Variants in RFX8 observed in about 807,000 individuals in gnomAD.
The protein encoded by RFX8 is regulatory factor X8.
RFX8 carries 46 observed loss-of-function variants against 54.6 expected under a neutral mutation model. The observed-to-expected ratio is 0.84, with a 90% CI of 0.67 to 1.08. The LOEUF is 1.08. Among genes scored for constraint, RFX8 ranks in the 50% least tolerant of loss-of-function variants. RFX8 has a pLI of 0.00. For missense variants in RFX8, 536 were observed against 562.3 expected (o/e 0.95, Z 0.47); for synonymous variants, 192 against 209.5 (o/e 0.92, Z 0.72).
chr2:101,450,696 T>A (rs1688627649), intron 2 of RFX8: 2 of 1,354,338 alleles, frequency 1.5e-6, no homozygotes, highest in Non-Finnish European at 2.0e-6. Flanking sequence ...AAAATAAAGG[T>A]TGTCTTTAAA....
chr2:101,415,625 T>G (rs1173177345), intron 6 of RFX8, among the ~76,000 whole-genome samples: 26 of 1,054 alleles, frequency 0.025, no homozygotes, highest in African/African-American at 0.038. Context: ...TTGAACGCAT[T>G]CATTCATTTG....
chr2:101,417,695 A>G lies in RFX8; in HGVS notation c.352-11T>C. ...AACATCCTCAATTCCCTACAACAAA[A>G]GTAACAAGACACTATGATTCTGCTG... On this transcript the variant is annotated splice_polypyrimidine_tract_variant and intron_variant, in intron 5 of 11. Transcript: ENST00000428343. The G allele has an allele frequency of 6.5e-7, 1 of 1,543,398 alleles. No individual in the cohort carries two copies. Among genetic ancestry groups the G allele is most frequent in the Non-Finnish European group, 8.7e-7 (1 of 1,142,862 alleles).
intron 2 of RFX8, among the ~76,000 whole-genome samples, chr2:101,433,471 G>A (rs4851438): frequency 0.73 from 111,789 of 152,194 alleles, 42,524 homozygotes; most frequent in Middle Eastern, 0.88. Context: ...GCATAGAGAG[G>A]ACTGAGACAC....
intron 4 of RFX8, 59 bp from the exon 5 acceptor site, chr2:101,419,023 C>A (rs1686703300): frequency 1.2e-6 from 1 of 826,022 alleles, no homozygotes; most frequent in African/African-American, 1.7e-5. Context: ...AAGACTAACC[C>A]CCCGCCACAG....
chr2:101,450,157 G>A (rs1688599505), intron 2 of RFX8, among the ~76,000 whole-genome samples: 1 of 152,116 alleles, frequency 6.6e-6, no homozygotes, highest in Non-Finnish European at 1.5e-5. Flanking sequence ...CTTAAAGACA[G>A]AACAACCAAA....
At chr2:101,469,080 GT>G in intron 1 of RFX8, among the ~76,000 whole-genome samples, 1 of 8,066 alleles carries the variant, frequency 1.2e-4, no homozygotes, top group East Asian at 1.2e-3. Flanking sequence ...ATATATATAA[GT>G]GTATATATAT....
chr2:101,420,864 C>T (rs777754808), intron 4 of RFX8, among the ~76,000 whole-genome samples: 14 of 152,226 alleles, frequency 9.2e-5, no homozygotes, highest in African/African-American at 2.9e-4. Context: ...GGTAATATTG[C>T]TCCTTTCATT....
At chr2:101,463,631 C>T (rs1158404150) in intron 2 of RFX8, among the ~76,000 whole-genome samples, 2 of 152,232 alleles carry the variant, frequency 1.3e-5, no homozygotes, top group Non-Finnish European at 2.9e-5. Context: ...GGGTGTTTCA[C>T]CAAGCCTGGG....
chr2:101,398,181 C>T (rs923243719), intron 11 of RFX8, among the ~76,000 whole-genome samples: 6 of 152,148 alleles, frequency 3.9e-5, no homozygotes, highest in African/African-American at 1.4e-4. Flanking sequence ...TAAGAGAACT[C>T]CTGATTTCTC....
intron 9 of RFX8, among the ~76,000 whole-genome samples, chr2:101,406,866 G>A (rs1685766871): frequency 6.6e-6 from 1 of 152,192 alleles, no homozygotes; most frequent in Non-Finnish European, 1.5e-5. Context: ...TGCTTGCTGT[G>A]TAACCAAGCT....
intron 2 of RFX8, among the ~76,000 whole-genome samples, chr2:101,439,716 ATT>A (rs35253629): frequency 3.9e-4 from 56 of 144,700 alleles, no homozygotes; most frequent in East Asian, 6.1e-4. Flanking sequence ...ATTTAAGTAG[ATT>A]TTTTTTTTTT....
chr2:101,448,335 A>G (rs562159705), intron 2 of RFX8, among the ~76,000 whole-genome samples: 151 of 152,196 alleles, frequency 9.9e-4, no homozygotes, highest in African/African-American at 3.4e-3. Flanking sequence ...CCAGATTCAT[A>G]TTCTTCTACT....
intron 9 of RFX8, among the ~76,000 whole-genome samples, chr2:101,409,545 C>A (rs1320614347): frequency 6.6e-6 from 1 of 151,042 alleles, no homozygotes; most frequent in East Asian, 1.9e-4. Context: ...CTTTTGTTGC[C>A]CAGGCTGGAG....
At chr2:101,412,847 C>T (rs912196169) in intron 8 of RFX8, 68 bp downstream of exon 8, 10 of 1,415,624 alleles carry the variant, frequency 7.1e-6, no homozygotes, top group South Asian at 1.3e-5. Context: ...CATGAGTTAA[C>T]GATGGCCATG....
At chr2:101,446,178 T>G (rs974330519) in intron 2 of RFX8, among the ~76,000 whole-genome samples, 1 of 152,158 alleles carries the variant, frequency 6.6e-6, no homozygotes, top group Non-Finnish European at 1.5e-5. Context: ...TGTTTTTGTT[T>G]TTTGTTATTC....
At chr2:101,398,137 C>T (rs1295901395) in intron 11 of RFX8, among the ~76,000 whole-genome samples, 1 of 152,180 alleles carries the variant, frequency 6.6e-6, no homozygotes, top group African/African-American at 2.4e-5. Flanking sequence ...AGATTACAGG[C>T]GTGAGCCACA....
intron 1 of RFX8, chr2:101,474,212 C>T (rs1272858180): frequency 3.2e-6 from 2 of 626,336 alleles, no homozygotes; most frequent in Admixed American, 5.3e-5. Context: ...CACTGGATGA[C>T]GCCGCTGTGC....
rs369873308 is a variant in RFX8 at position 101,473,482 on chromosome 2, G to A, written c.-53+1154C>T. 2.3e-3 allele frequency among the ~76,000 whole-genome samples: 348 copies of A among 152,220 alleles called. 2 individuals carry two copies. Among genetic ancestry groups the A allele is most frequent in the African/African-American group, 7.9e-3 (330 of 41,540 alleles). On this transcript the variant is annotated intron_variant, in intron 1 of 11. Coordinates refer to ENST00000428343, the MANE Select transcript of RFX8 (RefSeq NM_001145664.2). ...AGGAAAGTGGTAACTGTTTAGGCCT[G>A]CCAGGGTTATAATCACAAACACGCC...
At chr2:101,404,692 G>C (rs570929231) in intron 10 of RFX8, among the ~76,000 whole-genome samples, 1 of 152,012 alleles carries the variant, frequency 6.6e-6, no homozygotes, top group Non-Finnish European at 1.5e-5. Flanking sequence ...CTCCCAAACT[G>C]CTGGGATTAC....
Sources: gnomAD v4.1 joint callset for allele counts (sites outside exome capture counted in the v4.1 genomes callset) on GRCh38, gnomAD v4.1.1 for gene constraint, MANE v1.5 for transcripts, NCBI Gene and HGNC (gene_info 2026-07-23, HGNC 2026-07-21) for gene names.